The following SRSF10 variants were observed in gnomAD, a reference collection of about 807,000 sequenced individuals.
SRSF10 encodes the protein serine/arginine-rich splicing factor 10.
A neutral mutation model predicts 32.6 loss-of-function variants in SRSF10; 9 were observed. The observed-to-expected ratio is 0.28, with a 90% CI of 0.17 to 0.48. The LOEUF is 0.48. Ranked by LOEUF, SRSF10 falls within the 20% of genes least tolerant of loss-of-function variation. SRSF10 has a pLI of 0.99. For synonymous variants in SRSF10, 105 were observed against 112.4 expected (o/e 0.93, Z 0.42); for missense variants, 201 against 331.8 (o/e 0.61, Z 3.06).
intron 3 of SRSF10, among the ~76,000 whole-genome samples, chr1:23,973,965 C>A (rs1570778696): frequency 6.6e-6 from 1 of 151,030 alleles, no homozygotes; most frequent in Non-Finnish European, 1.5e-5. Flanking sequence ...ATTGAGTACT[C>A]AAGAGCTCCT....
Position 23,967,555 on chromosome 1 carries a change from T to C in SRSF10, c.*3587A>G. ...CCATGTAGTTTTCGATAACATTCTT[T>C]TATCTTTTCAGACCAGAGTCAAAAT... On this transcript the variant is annotated 3_prime_UTR_variant, in exon 6 of 6. Coordinates refer to ENST00000492112, the MANE Select transcript of SRSF10 (RefSeq NM_054016.4). 1 of 645,406 alleles carries C rather than the reference T, an allele frequency of 1.5e-6. No homozygotes were observed. Among genetic ancestry groups the C allele is most frequent in the Non-Finnish European group, 2.8e-6 (1 of 360,032 alleles). 40.0% of individuals were successfully genotyped at this position (645,406 alleles called of 1,614,324 possible).
chr1:23,979,047 T>C (rs2148513725), intron 1 of SRSF10: 1 of 166,642 alleles, frequency 6.0e-6, no homozygotes, highest in Non-Finnish European at 1.2e-5. Context: ...TTAGGTTGTA[T>C]ATAAGCCTTG....
Position 23,967,608 on chromosome 1 carries a change from CT to C in SRSF10, c.*3533del. 1 of 1,030,820 alleles carries C rather than the reference CT, an allele frequency of 9.7e-7. No individual in the cohort carries two copies. The highest frequency in any genetic ancestry group is 1.5e-6 in the Non-Finnish European group (1 of 653,136). The allele number at this position is 1,030,820 out of a possible 1,614,324, so 63.9% of individuals were successfully genotyped here. A position where few individuals can be genotyped will look rare whatever the true frequency, so the allele number is the denominator to read the frequency against. On this transcript the variant is annotated 3_prime_UTR_variant, in exon 6 of 6. Transcript: ENST00000492112. ...TCGTACAGTATTCATACTGCAGCAC[CT>C]TCCACCCACCCTTTGGTCGCTTGAA...
chr1:23,964,358 T>C lies in SRSF10; in HGVS notation c.*6784A>G, dbSNP rs1304129603. On this transcript the variant is annotated 3_prime_UTR_variant, in exon 6 of 6. Coordinates refer to ENST00000492112, the MANE Select transcript of SRSF10 (RefSeq NM_054016.4). ...CTTCATACTTTAGGAAAGGTACTGA[T>C]AAAAGTTTTGGTTAGCCTATATAGA... Among the ~76,000 whole-genome samples, 2 of 151,894 alleles carry C rather than the reference T, an allele frequency of 1.3e-5. No individual in the cohort carries two copies. The highest frequency in any genetic ancestry group is 2.9e-5 in the Non-Finnish European group (2 of 67,864).
At chr1:23,979,644 G>A (rs574841430) in intron 1 of SRSF10, among the ~76,000 whole-genome samples, 253 of 152,220 alleles carry the variant, frequency 1.7e-3, no homozygotes, top group African/African-American at 5.9e-3. Flanking sequence ...ACATTTAACT[G>A]GAAAAATCTA....
intron 2 of SRSF10, chr1:23,977,248 C>G (rs941939226): frequency 6.6e-6 from 1 of 152,190 alleles, no homozygotes; most frequent in African/African-American, 2.4e-5. Context: ...TTTTCCTAGT[C>G]TGAGGTCCAC....
At chr1:23,980,087 C>G (rs1290812465) in intron 1 of SRSF10, 104 bp downstream of exon 1, 1 of 1,295,898 alleles carries the variant, frequency 7.7e-7, no homozygotes, top group African/African-American at 1.6e-5. Flanking sequence ...GACCCGCCAT[C>G]TTCACTCCGT....
Position 23,968,354 on chromosome 1 carries a change from C to T in SRSF10, c.*2788G>A, listed in dbSNP as rs968795533. On this transcript the variant is annotated 3_prime_UTR_variant, in exon 6 of 6. Coordinates refer to ENST00000492112, the MANE Select transcript of SRSF10 (RefSeq NM_054016.4). ...GAACAATTTCAATGAGCTATCTCCT[C>T]AATCTACTTCTCTCAAATTATAGTC... Among the ~76,000 whole-genome samples, 1 of 152,142 alleles carries T rather than the reference C, an allele frequency of 6.6e-6. No individual in the cohort carries two copies. The highest frequency in any genetic ancestry group is 1.5e-5 in the Non-Finnish European group (1 of 68,004).
chr1:23,977,198 C>T (rs1642146085), intron 2 of SRSF10: 2 of 152,234 alleles, frequency 1.3e-5, no homozygotes, highest in South Asian at 2.1e-4. Flanking sequence ...ACTCCACTAA[C>T]TTAAAAGTTT....
intron 2 of SRSF10, chr1:23,978,256 T>C: frequency 1.0e-6 from 1 of 987,162 alleles, no homozygotes; most frequent in Non-Finnish European, 1.2e-6. Context: ...TCGCCATAAC[T>C]GTACAGCTTT....
At chr1:23,977,879 A>AG (rs1642189143) in intron 2 of SRSF10, 27 of 983,442 alleles carry the variant, frequency 2.7e-5, no homozygotes, top group East Asian at 1.1e-4. Context: ...ATTAAAAAAA[A>AG]AAAAAAGAAA....
chr1:23,970,934 G>A lies in SRSF10; in HGVS notation c.*208C>T, dbSNP rs1042036474. Reference sequence around the variant, plus strand: ...AAAATATACAGAGACACCACAAATTGGTAGCTGCCCATAACATTAAACAAA... The same window carrying A: ...AAAATATACAGAGACACCACAAATTAGTAGCTGCCCATAACATTAAACAAA... On this transcript the variant is annotated 3_prime_UTR_variant, in exon 6 of 6. Transcript: ENST00000492112. The A allele has an allele frequency of 1.6e-6, 2 of 1,263,846 alleles. No individual in the cohort carries two copies. The highest frequency in any genetic ancestry group is 1.5e-5 in the African/African-American group (1 of 64,870). The allele number at this position is 1,263,846 out of a possible 1,614,324, so 78.3% of individuals were successfully genotyped here. A position where few individuals can be genotyped will look rare whatever the true frequency, so the allele number is the denominator to read the frequency against.
At position 23,980,226 on chromosome 1, in the gene SRSF10, C is replaced by T; in HGVS notation, c.30G>A (p.Thr10=). 1 of 1,524,134 alleles carries T rather than the reference C, an allele frequency of 6.6e-7. No homozygotes were observed. Among genetic ancestry groups the T allele is most frequent in the Non-Finnish European group, 8.8e-7 (1 of 1,134,336 alleles). 94.4% of individuals were successfully genotyped at this position (1,524,134 alleles called of 1,614,324 possible). A position where few individuals can be genotyped will look rare whatever the true frequency, so the allele number is the denominator to read the frequency against. The change falls in exon 1 of 6, where the codon ACG becomes ACA. Residue 10 remains threonine, a synonymous_variant. Transcript: ENST00000492112. ...CGGCCACGTTCCTGACGAACAGAGA[C>T]GTGTTGGGGGGACGCAGGTAGCGGG... MSRYLRPPN[T]SLFVRNVADD...
rs1642012735 is a variant in SRSF10 at position 23,975,206 on chromosome 1, T to C, written c.171-129A>G. The C allele has an allele frequency of 4.0e-6, 3 of 740,892 alleles. No individual in the cohort carries two copies. In the South Asian group the frequency reaches 5.0e-5, roughly 12 times the overall value. The allele number at this position is 740,892 out of a possible 1,614,324, so 45.9% of individuals were successfully genotyped here. On this transcript the variant is annotated intron_variant, in intron 2 of 5. Transcript: ENST00000492112. ...GAACATCAACCAGACCCCCACTTAC[T>C]AGTTGGTGATTCAGTTGGATTCAGT...
chr1:23,976,766 G>A (rs1459352703), intron 2 of SRSF10: 3 of 152,240 alleles, frequency 2.0e-5, no homozygotes, highest in African/African-American at 7.2e-5. Context: ...AGCAGCAGCA[G>A]AGGCAGCCGA....
chr1:23,974,181 C>T (rs548341066), intron 3 of SRSF10, among the ~76,000 whole-genome samples: 27 of 151,982 alleles, frequency 1.8e-4, no homozygotes, highest in East Asian at 5.8e-4. Context: ...TTAGTATAGA[C>T]GGGGTTTTAC....
rs1641381724 is a variant in SRSF10 at position 23,964,924 on chromosome 1, AT to A, written c.*6217del. Reference sequence around the variant, plus strand: ...ACAAACTACGGTTAGTTCTCAATGAATTTACATGCCTCACTTTTTATTCCAA... The same window carrying A: ...ACAAACTACGGTTAGTTCTCAATGAATTACATGCCTCACTTTTTATTCCAA... On this transcript the variant is annotated 3_prime_UTR_variant, in exon 6 of 6. Coordinates refer to ENST00000492112, the MANE Select transcript of SRSF10 (RefSeq NM_054016.4). 6.6e-6 allele frequency: 1 copy of A among 152,026 alleles called. No individual in the cohort carries two copies. The highest frequency in any genetic ancestry group is 6.6e-5 in the Admixed American group (1 of 15,248). 9.4% of individuals were successfully genotyped at this position (152,026 alleles called of 1,614,324 possible). A position where few individuals can be genotyped will look rare whatever the true frequency, so the allele number is the denominator to read the frequency against.
Position 23,967,987 on chromosome 1 carries a change from T to A in SRSF10, c.*3155A>T. ...AAAAAAAAAAAAAAATGCAGAGAGA[T>A]CTTAAGTAAAAGGAGAGGTGAAGTG... is the stretch of plus-strand genomic sequence containing the variant. On this transcript the variant is annotated 3_prime_UTR_variant, in exon 6 of 6. Transcript: ENST00000492112. 6.5e-7 allele frequency: 1 copy of A among 1,537,250 alleles called. No individual in the cohort carries two copies. Among genetic ancestry groups the A allele is most frequent in the Non-Finnish European group, 8.7e-7 (1 of 1,145,616 alleles).
intron 1 of SRSF10, 181 bp from the exon 2 acceptor site, chr1:23,978,998 T>G (rs1642246714): frequency 1.2e-5 from 4 of 325,612 alleles, no homozygotes; most frequent in Admixed American, 4.8e-5. Flanking sequence ...AACTTATTTT[T>G]ATCTACAGCC....
Sources: allele counts gnomAD v4.1 joint callset (sites outside exome capture counted in the v4.1 genomes callset), GRCh38; gene constraint gnomAD v4.1.1; transcripts MANE v1.5; gene names NCBI Gene and HGNC (gene_info 2026-07-23, HGNC 2026-07-21).